Variants in DOP1A observed in about 807,000 individuals in gnomAD.
DOP1A encodes protein DOP1A.
A neutral mutation model predicts 267.6 loss-of-function variants in DOP1A; 90 were observed. The observed-to-expected ratio is 0.34, with a 90% CI of 0.28 to 0.40. The LOEUF (loss-of-function observed/expected upper bound fraction) is 0.40, where lower values mean the gene tolerates loss of function less well. Ranked by LOEUF, DOP1A falls within the 10% of genes least tolerant of loss-of-function variation. The pLI is 1.00. For missense variants in DOP1A, 2,437 were observed against 2,900.4 expected, an observed-to-expected ratio of 0.84 and a Z score of 3.67; for synonymous variants, 932 against 999.1, an observed-to-expected ratio of 0.93 and a Z score of 1.27.
intron 26 of DOP1A, 113 bp downstream of exon 26, chr6:83,147,404 C>A: frequency 2.2e-6 from 1 of 446,940 alleles, no homozygotes; most frequent in Non-Finnish European, 3.8e-6. Context: ...CCATGTATAT[C>A]CTACAAACCT....
intron 30 of DOP1A, among the ~76,000 whole-genome samples, chr6:83,153,091 G>A (rs73749719): frequency 0.019 from 2,827 of 152,170 alleles, 98 homozygotes; most frequent in African/African-American, 0.064. Context: ...AGAACAATAG[G>A]ACTAAGGCCA....
At chr6:83,098,904 C>A (rs1771998401) in intron 3 of DOP1A, among the ~76,000 whole-genome samples, 1 of 152,166 alleles carries the variant, frequency 6.6e-6, no homozygotes, top group Non-Finnish European at 1.5e-5. Context: ...TTCTTGGCCT[C>A]TCTACAGCAT....
At chr6:83,094,979 C>T (rs1198264789) in intron 1 of DOP1A, among the ~76,000 whole-genome samples, 1 of 152,110 alleles carries the variant, frequency 6.6e-6, no homozygotes, top group Admixed American at 6.6e-5. Context: ...GTTGCCCAGG[C>T]TGGGGTGCAG....
At chr6:83,142,093 T>G (rs1271006692) in intron 24 of DOP1A, 47 bp downstream of exon 24, 2 of 1,594,986 alleles carry the variant, frequency 1.3e-6, no homozygotes, top group Non-Finnish European at 1.7e-6. Context: ...ATTTGGTGAG[T>G]ACATGCTAAT....
chr6:83,170,490 C>T (rs1786873835), downstream of DOP1A: 4 of 1,610,932 alleles, frequency 2.5e-6, no homozygotes, highest in South Asian at 2.2e-5. Flanking sequence ...TAAGTGCAAG[C>T]ATTTCATATT....
Position 83,122,090 on chromosome 6 carries a change from TA to T in DOP1A, c.1220+41del, listed in dbSNP as rs748008678. On this transcript the variant is annotated intron_variant, in intron 11 of 38. Coordinates refer to ENST00000349129, the MANE Select transcript of DOP1A (RefSeq NM_015018.4). ...AATTAAATGTGACATGAAGACATAA[TA>T]TGTATTCACTTAATATAAACTTGAA... is the stretch of plus-strand genomic sequence containing the variant. 27 of 1,601,716 alleles carry T rather than the reference TA, an allele frequency of 1.7e-5. No homozygotes were observed. In the South Asian group the frequency reaches 2.7e-4, roughly 16 times the overall value.
intron 26 of DOP1A, among the ~76,000 whole-genome samples, chr6:83,147,996 G>T (rs555723605): frequency 1.6e-4 from 25 of 152,262 alleles, no homozygotes; most frequent in Admixed American, 4.6e-4. Context: ...AGAGGGAAAT[G>T]GAGAGACCAG....
Position 83,151,728 on chromosome 6 carries a change from A to G in DOP1A, c.5904+69A>G, listed in dbSNP as rs776445174. The G allele has an allele frequency of 2.7e-6, 4 of 1,506,212 alleles. No individual in the cohort carries two copies. In the African/African-American group the frequency reaches 4.2e-5, roughly 16 times the overall value. The allele number at this position is 1,506,212 out of a possible 1,614,324, so 93.3% of individuals were successfully genotyped here. A position where few individuals can be genotyped will look rare whatever the true frequency, so the allele number is the denominator to read the frequency against. On this transcript the variant is annotated intron_variant, in intron 28 of 38. Coordinates refer to ENST00000349129, the MANE Select transcript of DOP1A (RefSeq NM_015018.4). The stretch of plus-strand genomic sequence containing the variant: ...CCTCAATTTGAAAATGAGAGAGTCA[A>G]ATAAAATAAACTGAAGTTTCTTTCA...
intron 1 of DOP1A, among the ~76,000 whole-genome samples, chr6:83,076,724 A>G (rs1767158819): frequency 6.6e-6 from 1 of 152,170 alleles, no homozygotes; most frequent in Admixed American, 6.5e-5. Context: ...TTCCTCAAAA[A>G]AAGTTTAAAA....
rs992998266 is a variant in DOP1A at position 83,125,577 on chromosome 6, C to G, written c.1563C>G (p.Leu521=). 7.4e-6 allele frequency: 12 copies of G among 1,613,720 alleles called. No individual in the cohort carries two copies. The highest frequency in any genetic ancestry group is 1.0e-5 in the Non-Finnish European group (12 of 1,179,800). ...LRMISALTSH[L]QTLHLSELTD... The stretch of plus-strand genomic sequence containing the variant: ...TGATTTCTGCCTTGACAAGCCATCT[C>G]CAGACATTGCACTTATCTGAACTCA... The change falls in exon 15 of 39, where the codon CTC becomes CTG. Residue 521 remains leucine (L), a synonymous_variant. Transcript: ENST00000349129.
At chr6:83,119,631 T>C (rs1231431750) in intron 8 of DOP1A, 117 bp from the exon 9 acceptor site, 3 of 683,838 alleles carry the variant, frequency 4.4e-6, no homozygotes, top group Admixed American at 2.6e-5. Flanking sequence ...TGACATTGAA[T>C]GGGCTACTAA....
intron 1 of DOP1A, among the ~76,000 whole-genome samples, chr6:83,076,051 T>C (rs1767026886): frequency 6.6e-6 from 1 of 152,038 alleles, no homozygotes; most frequent in African/African-American, 2.4e-5. Flanking sequence ...AAGCAAACTA[T>C]GGAAAGGGAG....
chr6:83,140,450 C>A, intron 23 of DOP1A, 47 bp downstream of exon 23: 1 of 1,392,728 alleles, frequency 7.2e-7, no homozygotes. Flanking sequence ...GTCTGAGGAC[C>A]TTCCCAAAGA....
intron 15 of DOP1A, among the ~76,000 whole-genome samples, chr6:83,127,167 T>C (rs1004329593): frequency 1.3e-5 from 2 of 152,220 alleles, no homozygotes; most frequent in African/African-American, 2.4e-5. Flanking sequence ...GCAAATCTTA[T>C]GACTTCTGGA....
chr6:83,121,791 G>A, intron 10 of DOP1A, 139 bp from the exon 11 acceptor site: 1 of 816,920 alleles, frequency 1.2e-6, no homozygotes, highest in Non-Finnish European at 1.8e-6. Flanking sequence ...AAAGAAGTGT[G>A]AATTTAGCTT....
chr6:83,119,815 C>G lies in DOP1A; in HGVS notation c.948C>G (p.Ala316=). ...GACACAGTAATCCTGAAGAACATGC[C>G]ACTTACTATTTCACTACCTTTTCAA... is the stretch of plus-strand genomic sequence containing the variant. ...STRHSNPEEH[A]TYYFTTFSKE... The change falls in exon 9 of 39, where the codon GCC becomes GCG. Residue 316 remains alanine, a synonymous_variant. Coordinates refer to ENST00000349129, the MANE Select transcript of DOP1A (RefSeq NM_015018.4). 1 of 1,612,898 alleles carries G rather than the reference C, an allele frequency of 6.2e-7. No individual in the cohort carries two copies. The highest frequency in any genetic ancestry group is 8.5e-7 in the Non-Finnish European group (1 of 1,179,172).
At chr6:83,145,190 TAATATATATATATA>T (rs1357766707) in intron 24 of DOP1A, among the ~76,000 whole-genome samples, 7 of 6,762 alleles carry the variant, frequency 1.0e-3, no homozygotes, top group African/African-American at 5.9e-3. Flanking sequence ...AGTATATATA[TAATATATATATATA>T]ATAATATATA....
intron 38 of DOP1A, chr6:83,165,149 T>G (rs1785158798): frequency 1.3e-5 from 2 of 156,234 alleles, no homozygotes; most frequent in South Asian, 3.9e-4. Flanking sequence ...GCAGTTTGAT[T>G]TAGGGGATTA....
chr6:83,168,919 G>T (rs1027526639), downstream of DOP1A: 1 of 1,090,070 alleles, frequency 9.2e-7, no homozygotes. Flanking sequence ...TTGGTAATAA[G>T]ATTTAATTTT....
Sources: gnomAD v4.1 joint callset for allele counts (sites outside exome capture counted in the v4.1 genomes callset) on GRCh38, gnomAD v4.1.1 for gene constraint, MANE v1.5 for transcripts, NCBI Gene and HGNC (gene_info 2026-07-23, HGNC 2026-07-21) for gene names.